Variants in TMEM163 observed in about 807,000 individuals in gnomAD.
TMEM163 encodes the protein transmembrane protein 163.
Under a neutral mutation model 29.3 loss-of-function variants are expected in TMEM163, and 17 were observed. That is an observed-to-expected ratio of 0.58 (90% CI 0.40 to 0.87). TMEM163 has a LOEUF of 0.87. TMEM163 is among the 40% of genes least tolerant of loss of function. TMEM163 has a pLI of 0.00. For synonymous variants in TMEM163, 157 were observed against 160.6 expected (o/e 0.98, Z 0.17); for missense variants, 303 against 381.5 (o/e 0.79, Z 1.71).
rs142580898 is a variant in TMEM163 at position 134,492,472 on chromosome 2, C to T, written c.555+10429G>A. Among the ~76,000 whole-genome samples the T allele has an allele frequency of 1.2e-4, 18 of 152,262 alleles. No homozygotes were observed. The East Asian group carries it at 3.3e-3, about 28-fold the overall frequency. ...CAAAAGCCAGAGACTATTTCCGTCA[C>T]CCCCAAAAGTTTTCCCATGATTCTT... On this transcript the variant is annotated intron_variant, in intron 5 of 7. Coordinates refer to ENST00000281924, the MANE Select transcript of TMEM163 (RefSeq NM_030923.5).
At chr2:134,668,244 C>T (rs978845154) in intron 2 of TMEM163, among the ~76,000 whole-genome samples, 1 of 152,188 alleles carries the variant, frequency 6.6e-6, no homozygotes, top group Non-Finnish European at 1.5e-5. Context: ...GCACACAAAC[C>T]TGTCCTGGAA....
At chr2:134,575,293 C>G (rs1296146972) in intron 2 of TMEM163, among the ~76,000 whole-genome samples, 3 of 152,126 alleles carry the variant, frequency 2.0e-5, no homozygotes, top group East Asian at 1.9e-4. Context: ...ATTCTGGAAG[C>G]AAATCCATCT....
intron 5 of TMEM163, among the ~76,000 whole-genome samples, chr2:134,474,035 T>C (rs1686863710): frequency 6.6e-6 from 1 of 152,092 alleles, no homozygotes; most frequent in African/African-American, 2.4e-5. Flanking sequence ...AGCATTACCA[T>C]GACACTAAAA....
At chr2:134,634,023 T>G (rs1435188038) in intron 2 of TMEM163, among the ~76,000 whole-genome samples, 5 of 100,054 alleles carry the variant, frequency 5.0e-5, no homozygotes, top group Non-Finnish European at 8.7e-5. Flanking sequence ...ATATATATAA[T>G]AGGACTGTTT....
In TMEM163 at chr2:134,485,073, T is replaced by C. The variant is rs747069394; in HGVS notation, c.555+17828A>G. Reference sequence around the variant, plus strand: ...CCAGAGAAAGAGAACCAGTGAGAGATACACAGGTGCTCCTTGACTTACAAT... The same window carrying C: ...CCAGAGAAAGAGAACCAGTGAGAGACACACAGGTGCTCCTTGACTTACAAT... On this transcript the variant is annotated intron_variant, in intron 5 of 7. Coordinates refer to ENST00000281924, the MANE Select transcript of TMEM163 (RefSeq NM_030923.5). 6.6e-5 allele frequency among the ~76,000 whole-genome samples: 10 copies of C among 152,188 alleles called. 1 individual carries two copies. The highest frequency in any genetic ancestry group is 1.5e-4 in the Non-Finnish European group (10 of 68,026).
At chr2:134,484,535 G>C (rs1411450450) in intron 5 of TMEM163, among the ~76,000 whole-genome samples, 3 of 152,108 alleles carry the variant, frequency 2.0e-5, no homozygotes, top group Non-Finnish European at 4.4e-5. Flanking sequence ...TTAGCCAGGC[G>C]TGGTGGCATG....
At chr2:134,591,379 C>T (rs1165254441) in intron 2 of TMEM163, among the ~76,000 whole-genome samples, 2 of 152,142 alleles carry the variant, frequency 1.3e-5, no homozygotes, top group Admixed American at 1.3e-4. Flanking sequence ...CCAGAGGTCA[C>T]TCTTGTCACC....
At chr2:134,565,739 T>G (rs1681287929) in intron 2 of TMEM163, among the ~76,000 whole-genome samples, 1 of 152,246 alleles carries the variant, frequency 6.6e-6, no homozygotes, top group African/African-American at 2.4e-5. Context: ...ATGGATAAAC[T>G]GGTGGTATAT....
intron 2 of TMEM163, among the ~76,000 whole-genome samples, chr2:134,700,859 A>ACAC (rs1233777471): frequency 6.6e-6 from 1 of 151,904 alleles, no homozygotes; most frequent in Non-Finnish European, 1.5e-5. Context: ...AGAGACCGTG[A>ACAC]CACTGCACTC....
chr2:134,507,028 C>A (rs925163377), intron 4 of TMEM163, among the ~76,000 whole-genome samples: 2 of 152,016 alleles, frequency 1.3e-5, no homozygotes, highest in Admixed American at 1.3e-4. Context: ...CCCAGTCAAC[C>A]CAGACTGAAA....
intron 2 of TMEM163, among the ~76,000 whole-genome samples, chr2:134,696,995 C>G (rs1395012823): frequency 1.3e-5 from 2 of 152,094 alleles, no homozygotes; most frequent in South Asian, 4.1e-4. Context: ...AGGCTGGTCT[C>G]GAATTCCTGA....
intron 2 of TMEM163, among the ~76,000 whole-genome samples, chr2:134,707,045 C>T (rs530215126): frequency 2.0e-5 from 3 of 152,298 alleles, no homozygotes; most frequent in African/African-American, 7.2e-5. Flanking sequence ...TTATCGTTCC[C>T]AAGCACACCC....
At chr2:134,530,162 G>T (rs557049306) in intron 4 of TMEM163, among the ~76,000 whole-genome samples, 3 of 152,270 alleles carry the variant, frequency 2.0e-5, no homozygotes, top group African/African-American at 7.2e-5. Flanking sequence ...CTCCCTAAAA[G>T]TTCATGCTAG....
intron 2 of TMEM163, among the ~76,000 whole-genome samples, chr2:134,643,769 T>C (rs1400498): frequency 0.83 from 125,277 of 151,818 alleles, 52,992 homozygotes; most frequent in African/African-American, 0.96. Context: ...AAAGCCAGTA[T>C]AGTAATGTAA....
chr2:134,699,994 C>T (rs77213008), intron 2 of TMEM163, among the ~76,000 whole-genome samples: 1 of 151,948 alleles, frequency 6.6e-6, no homozygotes, highest in Non-Finnish European at 1.5e-5. Context: ...ATTCTGTGGT[C>T]TTACGTTTTA....
chr2:134,566,072 T>C (rs1223751911), intron 2 of TMEM163, among the ~76,000 whole-genome samples: 1 of 152,228 alleles, frequency 6.6e-6, no homozygotes, highest in East Asian at 1.9e-4. Context: ...ATGATGCTTC[T>C]GTATGTCTAT....
intron 4 of TMEM163, among the ~76,000 whole-genome samples, chr2:134,547,398 A>G (rs1023408485): frequency 5.3e-5 from 8 of 152,162 alleles, no homozygotes; most frequent in Admixed American, 3.3e-4. Flanking sequence ...TGCATGACTA[A>G]TTCAAGCTCA....
At chr2:134,575,050 G>A (rs894501959) in intron 2 of TMEM163, among the ~76,000 whole-genome samples, 3 of 152,024 alleles carry the variant, frequency 2.0e-5, no homozygotes, top group Non-Finnish European at 4.4e-5. Flanking sequence ...TCTGTGGGGG[G>A]GTGGGGGAAG....
At position 134,677,949 on chromosome 2, in the gene TMEM163, C is replaced by T. The variant is rs570504393; in HGVS notation, c.322+35251G>A. On this transcript the variant is annotated intron_variant, in intron 2 of 7. Transcript: ENST00000281924. Reference sequence around the variant, plus strand: ...GTAAGGAGAGACTCTGGCCAGGAGACACCCCTCCACGTTCCAGTAAGCCCA... The same window carrying T: ...GTAAGGAGAGACTCTGGCCAGGAGATACCCCTCCACGTTCCAGTAAGCCCA... Among the ~76,000 whole-genome samples, 3 of 152,318 alleles carry T rather than the reference C, an allele frequency of 2.0e-5. No individual in the cohort carries two copies. In the South Asian group the frequency reaches 6.2e-4, roughly 32 times the overall value.
Sources: allele counts gnomAD v4.1 joint callset (sites outside exome capture counted in the v4.1 genomes callset), GRCh38; gene constraint gnomAD v4.1.1; transcripts MANE v1.5; gene names NCBI Gene and HGNC (gene_info 2026-07-23, HGNC 2026-07-21).